The following TNNT2 variants were observed in gnomAD, a reference collection of about 807,000 sequenced individuals.
The protein encoded by TNNT2 is troponin T, cardiac muscle.
Under a neutral mutation model 62.4 loss-of-function variants are expected in TNNT2, and 34 were observed. The observed-to-expected ratio is 0.54, with a 90% CI of 0.41 to 0.72. The LOEUF (loss-of-function observed/expected upper bound fraction) is 0.72. Ranked by LOEUF, TNNT2 falls within the 30% of genes least tolerant of loss-of-function variation. The pLI is 0.00. For missense variants in TNNT2, 275 were observed against 381.9 expected (o/e 0.72, Z 2.33); for synonymous variants, 123 against 127.2 (o/e 0.97, Z 0.22).
At position 201,359,024 on chromosome 1, in the gene TNNT2, G is replaced by A. The variant is rs975349887; in HGVS notation, c.*186C>T. The A allele has an allele frequency of 8.6e-6, 6 of 694,978 alleles. No individual in the cohort carries two copies. The highest frequency in any genetic ancestry group is 1.5e-5 in the Non-Finnish European group (6 of 392,922). The allele number at this position is 694,978 out of a possible 1,614,324, so 43.1% of individuals were successfully genotyped here. ...TGACAGAAATGCCAGTCAGTGTGTG[G>A]TGGCTTTTTATTACTGGTGTGGAGT... On this transcript the variant is annotated 3_prime_UTR_variant, in exon 17 of 17. Transcript: ENST00000656932.
At chr1:201,374,902 G>A (rs1057263791) in intron 1 of TNNT2, 7 of 152,248 alleles carry the variant, frequency 4.6e-5, no homozygotes, top group African/African-American at 1.4e-4. Flanking sequence ...TGATGTGAGA[G>A]TGAGGCTAAA....
intron 1 of TNNT2, 105 bp downstream of exon 1, chr1:201,377,518 G>T (rs1463145848): frequency 6.6e-6 from 3 of 456,024 alleles, no homozygotes; most frequent in Non-Finnish European, 1.3e-5. Context: ...ATGGACTTCT[G>T]CGGACACAGG....
chr1:201,361,191 C>G, intron 15 of TNNT2, 88 bp downstream of exon 15: 1 of 1,297,258 alleles, frequency 7.7e-7, no homozygotes, highest in South Asian at 1.2e-5. Context: ...GGACAGGGAC[C>G]CAGGGACCTG....
chr1:201,360,064 C>G (rs1658328825), intron 15 of TNNT2, among the ~76,000 whole-genome samples: 1 of 152,186 alleles, frequency 6.6e-6, no homozygotes, highest in African/African-American at 2.4e-5. Flanking sequence ...GCCCTTTGAG[C>G]AGTAGCATCC....
rs940663735 is a variant in TNNT2, at chr1:201,366,441, G to A, written c.233+397C>T. The A allele has an allele frequency of 8.0e-6, 9 of 1,121,490 alleles. No homozygotes were observed. In the African/African-American group the frequency reaches 1.5e-4, roughly 18 times the overall value. 69.5% of individuals were successfully genotyped at this position (1,121,490 alleles called of 1,614,324 possible). On this transcript the variant is annotated intron_variant, in intron 8 of 16. Coordinates refer to ENST00000656932, the MANE Select transcript of TNNT2 (RefSeq NM_001276345.2). Reference sequence around the variant, plus strand: ...CCGTCCTGCCCTCTCTCAGCTCTCTGAAGCCGCCATGCCTATGCTGGCACG... The same window carrying A: ...CCGTCCTGCCCTCTCTCAGCTCTCTAAAGCCGCCATGCCTATGCTGGCACG...
intron 15 of TNNT2, chr1:201,361,069 G>A (rs1658533214): frequency 1.2e-5 from 8 of 671,852 alleles, no homozygotes; most frequent in East Asian, 2.6e-5. Flanking sequence ...CAGCCCCAGC[G>A]AGCTCTCAGA....
rs754752990 is a variant in TNNT2 at position 201,377,613 on chromosome 1, C to T, written c.-15+10G>A. ...CTCTCCTCTTCCCCAGAGCCCTGCC[C>T]GAGCCTTACCTCAGAACAGCAGCTG... On this transcript the variant is annotated intron_variant, in intron 1 of 16. Coordinates refer to ENST00000656932, the MANE Select transcript of TNNT2 (RefSeq NM_001276345.2). The T allele has an allele frequency of 8.1e-5, 37 of 456,286 alleles. No homozygotes were observed. The Middle Eastern group carries it at 1.3e-3, about 16-fold the overall frequency. The allele number at this position is 456,286 out of a possible 1,614,324, so 28.3% of individuals were successfully genotyped here.
At chr1:201,359,729 TG>T in intron 15 of TNNT2, 66 bp from the exon 16 acceptor site, 1 of 1,430,420 alleles carries the variant, frequency 7.0e-7, no homozygotes, top group Non-Finnish European at 9.7e-7. Context: ...CCAGGTGGCC[TG>T]GGGATGGGGA....
intron 12 of TNNT2, 95 bp from the exon 13 acceptor site, chr1:201,362,489 G>C (rs1036109888): frequency 3.4e-6 from 5 of 1,475,058 alleles, no homozygotes; most frequent in Non-Finnish European, 4.7e-6. Flanking sequence ...GGCAAGGAGA[G>C]ACATGGAAGA....
At chr1:201,371,711 A>G (rs1380881671) in intron 4 of TNNT2, among the ~76,000 whole-genome samples, 1 of 152,098 alleles carries the variant, frequency 6.6e-6, no homozygotes, top group Non-Finnish European at 1.5e-5. Context: ...GGGGGCCATT[A>G]TTATTATTAT....
At chr1:201,366,160 T>C in intron 8 of TNNT2, 1 of 1,057,608 alleles carries the variant, frequency 9.5e-7, no homozygotes, top group Non-Finnish European at 1.1e-6. Context: ...CTCAGGTGTG[T>C]GGAGCTGAAA....
chr1:201,359,976 C>T (rs1206042031), intron 15 of TNNT2, among the ~76,000 whole-genome samples: 1 of 152,166 alleles, frequency 6.6e-6, no homozygotes, highest in Non-Finnish European at 1.5e-5. Context: ...GAGGCTGTGT[C>T]ATGGAGCCCT....
chr1:201,370,277 A>G (rs975424203), intron 4 of TNNT2, among the ~76,000 whole-genome samples: 12 of 152,304 alleles, frequency 7.9e-5, no homozygotes, highest in South Asian at 2.1e-4. Context: ...CCTGCCCTCA[A>G]CGAGCCTGCC....
At chr1:201,369,941 G>A in intron 4 of TNNT2, 96 bp from the exon 5 acceptor site, 1 of 1,406,132 alleles carries the variant, frequency 7.1e-7, no homozygotes, top group Non-Finnish European at 1.0e-6. Context: ...CCAGCGCAGT[G>A]GTTTTAAGAG....
chr1:201,359,191 T>C lies in TNNT2; in HGVS notation c.*19A>G. 6.2e-7 allele frequency: 1 copy of C among 1,606,536 alleles called. No individual in the cohort carries two copies. The highest frequency in any genetic ancestry group is 1.1e-5 in the South Asian group (1 of 88,756). ...CAGGTGCGAGCGAGGAGCAGATCTT[T>C]GGTGAAGGAGGCCAGGCTCTATTTC... is the stretch of plus-strand genomic sequence containing the variant. On this transcript the variant is annotated 3_prime_UTR_variant, in exon 17 of 17. Transcript: ENST00000656932.
chr1:201,367,147 G>A, intron 7 of TNNT2: 2 of 570,742 alleles, frequency 3.5e-6, no homozygotes, highest in Non-Finnish European at 6.3e-6. Flanking sequence ...CCAGTTCTGG[G>A]CAAAGCAATT....
intron 1 of TNNT2, chr1:201,375,303 T>C (rs1298252784): frequency 6.6e-6 from 1 of 152,206 alleles, no homozygotes; most frequent in Non-Finnish European, 1.5e-5. Context: ...CCTGTTCCCA[T>C]TATGTCCAGT....
At chr1:201,367,926 T>G (rs1659946200) in intron 6 of TNNT2, 120 bp from the exon 7 acceptor site, 3 of 1,284,358 alleles carry the variant, frequency 2.3e-6, no homozygotes, top group South Asian at 1.2e-5. Flanking sequence ...TGTTGGTTTT[T>G]GGGGTTACAG....
At chr1:201,366,948 ATCCC>A in intron 7 of TNNT2, 77 bp from the exon 8 acceptor site, 1 of 1,611,816 alleles carries the variant, frequency 6.2e-7, no homozygotes, top group Non-Finnish European at 8.5e-7. Flanking sequence ...GATGAGCTAG[ATCCC>A]TGTGGATTTC....
Sources: allele counts gnomAD v4.1 joint callset (sites outside exome capture counted in the v4.1 genomes callset), GRCh38; gene constraint gnomAD v4.1.1; transcripts MANE v1.5; gene names NCBI Gene and HGNC (gene_info 2026-07-23, HGNC 2026-07-21).